SYT17: variants seen among roughly 807,000 people sequenced by gnomAD.
SYT17 encodes the protein synaptotagmin-17.
SYT17 carries 22 observed loss-of-function variants against 46.7 expected under a neutral mutation model. The ratio of observed to expected loss-of-function variants is 0.47; its 90% CI spans 0.34 to 0.67. SYT17 has a LOEUF of 0.67. Among genes scored for constraint, SYT17 ranks in the 30% least tolerant of loss-of-function variants. The pLI is 0.01. For missense variants in SYT17, 519 were observed against 612.8 expected, an observed-to-expected ratio of 0.85 and a Z score of 1.62; for synonymous variants, 251 against 248.4, an observed-to-expected ratio of 1.01 and a Z score of -0.10.
At chr16:19,172,486 G>A (rs931979379) in intron 1 of SYT17, 11 of 1,473,476 alleles carry the variant, frequency 7.5e-6, no homozygotes, top group South Asian at 5.6e-5. Context: ...AACAGCATAC[G>A]GTGCAAATCA....
chr16:19,220,179 G>C (rs1966255891), intron 5 of SYT17, among the ~76,000 whole-genome samples: 2 of 152,066 alleles, frequency 1.3e-5, no homozygotes, highest in African/African-American at 2.4e-5. Flanking sequence ...AATGTAAAGG[G>C]GCAGAAATGG....
intron 5 of SYT17, among the ~76,000 whole-genome samples, chr16:19,203,534 A>G (rs1334646069): frequency 6.6e-6 from 1 of 152,156 alleles, no homozygotes; most frequent in Non-Finnish European, 1.5e-5. Flanking sequence ...CGCTGTGGTT[A>G]TTTGTTTATT....
At position 19,183,815 on chromosome 16, in the gene SYT17, G is replaced by A. The variant is rs765818105; in HGVS notation, c.619G>A (p.Glu207Lys). 3.8e-5 allele frequency: 62 copies of A among 1,613,974 alleles called. No individual in the cohort carries two copies. Among genetic ancestry groups the A allele is most frequent in the East Asian group, 2.5e-4 (11 of 44,896 alleles). Residue 207 changes from glutamate (E) to lysine (K), a missense_variant, in exon 5 of 8, where the codon GAG becomes AAG. Coordinates refer to ENST00000355377, the MANE Select transcript of SYT17 (RefSeq NM_016524.4). This position sits in a 1 kb window ranked among gnomAD's most constrained non-coding sequence, Gnocchi z 5.6. ...LHNHLTVRVI[E>K]ARDLPPPISH... The stretch of plus-strand genomic sequence containing the variant: ...CAACCACCTCACCGTGCGCGTGATC[G>A]AGGCCAGGGACCTGCCACCTCCCAT...
chr16:19,267,187 A>G lies in SYT17; in HGVS notation c.*111A>G, dbSNP rs756721593. On this transcript the variant is annotated 3_prime_UTR_variant, in exon 8 of 8. Transcript: ENST00000355377. ...CTGCATACACACTCGCAACATGTCT[A>G]CACACGTCCACACACACAGACACAC... The G allele has an allele frequency of 3.6e-5, 31 of 870,776 alleles. No homozygotes were observed. The highest frequency in any genetic ancestry group is 5.1e-5 in the Non-Finnish European group (30 of 588,184). The allele number at this position is 870,776 out of a possible 1,614,324, so 53.9% of individuals were successfully genotyped here.
chr16:19,242,330 G>T (rs975883344), intron 7 of SYT17, among the ~76,000 whole-genome samples: 1 of 152,178 alleles, frequency 6.6e-6, no homozygotes, highest in South Asian at 2.1e-4. Context: ...GCAGTGGAAG[G>T]ATGTAGGAAA....
intron 5 of SYT17, among the ~76,000 whole-genome samples, chr16:19,210,934 G>A (rs1318667733): frequency 4.6e-5 from 7 of 152,306 alleles, no homozygotes; most frequent in Non-Finnish European, 1.0e-4. Flanking sequence ...GCTATCTCCA[G>A]AAAATGTCTT....
chr16:19,230,697 G>A (rs1004049395), intron 7 of SYT17, among the ~76,000 whole-genome samples: 2 of 152,172 alleles, frequency 1.3e-5, no homozygotes, highest in Non-Finnish European at 2.9e-5. Flanking sequence ...GTAATAGTTA[G>A]GAACCAGACC....
At chr16:19,234,941 A>G (rs1292472426) in intron 7 of SYT17, among the ~76,000 whole-genome samples, 1 of 152,186 alleles carries the variant, frequency 6.6e-6, no homozygotes, top group Non-Finnish European at 1.5e-5. Flanking sequence ...TGCCAGTGGT[A>G]TGATGTCTGG....
intron 7 of SYT17, among the ~76,000 whole-genome samples, chr16:19,249,110 T>A (rs1185882403): frequency 6.6e-6 from 1 of 151,752 alleles, no homozygotes; most frequent in Non-Finnish European, 1.5e-5. Context: ...CCGTCTCTAC[T>A]AAAAATACAA....
intron 5 of SYT17, among the ~76,000 whole-genome samples, chr16:19,197,944 T>C (rs1003810728): frequency 6.6e-6 from 1 of 152,250 alleles, no homozygotes; most frequent in Non-Finnish European, 1.5e-5. Context: ...GATCTCATGA[T>C]AGCTAAGAGC....
rs900186596 is a variant in SYT17, at chr16:19,183,520, G to A, written c.332-8G>A. 8.1e-6 allele frequency: 13 copies of A among 1,612,658 alleles called. No individual in the cohort carries two copies. The Middle Eastern group carries it at 1.2e-3, about 143-fold the overall frequency. ...GCTGTCTTCATTGTTATTTCTGGTG[G>A]CTCTCAGGTCTTGAGTCAAGACGTC... On this transcript the variant is annotated splice_region_variant and splice_polypyrimidine_tract_variant and intron_variant, in intron 4 of 7. Transcript: ENST00000355377. The surrounding 1 kb of genome is among the most constrained non-coding windows in gnomAD (Gnocchi z 5.6).
chr16:19,247,686 C>G (rs1474752507), intron 7 of SYT17, among the ~76,000 whole-genome samples: 2 of 152,194 alleles, frequency 1.3e-5, no homozygotes, highest in Non-Finnish European at 2.9e-5. Flanking sequence ...TTGTTAAGTT[C>G]TGAACAACCA....
chr16:19,202,614 G>C (rs1197147203), intron 5 of SYT17, among the ~76,000 whole-genome samples: 2 of 152,242 alleles, frequency 1.3e-5, no homozygotes, highest in African/African-American at 2.4e-5. Context: ...TGGGAGTGCA[G>C]CTGAAAGTTC....
intron 7 of SYT17, among the ~76,000 whole-genome samples, chr16:19,233,673 T>A (rs1231810312): frequency 6.6e-6 from 1 of 151,512 alleles, no homozygotes; most frequent in Non-Finnish European, 1.5e-5. Flanking sequence ...AAAATTAAAT[T>A]AAAAATAAAA....
intron 5 of SYT17, among the ~76,000 whole-genome samples, chr16:19,218,874 C>T (rs1269647178): frequency 5.3e-5 from 8 of 152,146 alleles, no homozygotes; most frequent in African/African-American, 1.7e-4. Flanking sequence ...TTTATTCCTC[C>T]CTCCCTCCAT....
At chr16:19,224,061 G>T (rs750195721) in intron 6 of SYT17, among the ~76,000 whole-genome samples, 1 of 152,150 alleles carries the variant, frequency 6.6e-6, no homozygotes, top group African/African-American at 2.4e-5. Flanking sequence ...TATTAAATTA[G>T]ATAATGTACA....
intron 7 of SYT17, among the ~76,000 whole-genome samples, chr16:19,262,076 A>G (rs1191502489): frequency 1.3e-5 from 2 of 152,242 alleles, no homozygotes; most frequent in Non-Finnish European, 2.9e-5. Flanking sequence ...AATCACCCTC[A>G]GGTCCAATGA....
At chr16:19,225,245 A>G (rs1341764496) in intron 7 of SYT17, among the ~76,000 whole-genome samples, 1 of 152,166 alleles carries the variant, frequency 6.6e-6, no homozygotes, top group Non-Finnish European at 1.5e-5. Flanking sequence ...TTTGATGATG[A>G]TGGTGGTGAT....
intron 5 of SYT17, among the ~76,000 whole-genome samples, chr16:19,221,027 TAA>T (rs932317377): frequency 7.1e-6 from 1 of 140,916 alleles, no homozygotes; most frequent in African/African-American, 2.6e-5. Context: ...CCTCAACTCT[TAA>T]AAAAAAAAAA....
Sources: allele counts gnomAD v4.1 joint callset (sites outside exome capture counted in the v4.1 genomes callset), GRCh38; gene constraint gnomAD v4.1.1; non-coding constraint Gnocchi (gnomAD v3.1); transcripts MANE v1.5; gene names NCBI Gene and HGNC (gene_info 2026-07-23, HGNC 2026-07-21).